Variants in KPNA5 observed in about 807,000 individuals in gnomAD.
KPNA5 encodes karyopherin subunit alpha 5.
KPNA5 carries 46 observed loss-of-function variants against 71.3 expected under a neutral mutation model. That is an observed-to-expected ratio of 0.65 (90% CI 0.51 to 0.83). KPNA5 has a LOEUF of 0.83. Ranked by LOEUF, KPNA5 falls within the 40% of genes least tolerant of loss-of-function variation. KPNA5 has a pLI of 0.00. For missense variants in KPNA5, 547 were observed against 628.3 expected (o/e 0.87, Z 1.38); for synonymous variants, 207 against 201.4 (o/e 1.03, Z -0.24).
intron 8 of KPNA5, among the ~76,000 whole-genome samples, chr6:116,717,727 G>C (rs1053641302): frequency 1.3e-5 from 2 of 152,136 alleles, no homozygotes; most frequent in African/African-American, 4.8e-5. Flanking sequence ...TTGATCCTAG[G>C]ACTTTATAGA....
intron 5 of KPNA5, among the ~76,000 whole-genome samples, chr6:116,701,547 C>T (rs948700875): frequency 6.6e-6 from 1 of 152,168 alleles, no homozygotes; most frequent in Admixed American, 6.5e-5. Flanking sequence ...AATCTCTCAA[C>T]TTCTAATTTT....
rs1489376713 is a variant in KPNA5 at position 116,689,335 on chromosome 6, C to T, written c.20C>T (p.Pro7Leu). MDAMAS[P>L]GKDNYRMKSY... is the part of the protein sequence containing the mutation. ...TTCCTTTAAGATGCCATGGCTAGTC[C>T]AGGGAAAGATAACTATAGAATGAAA... Residue 7 changes from proline to leucine, a missense_variant, in exon 2 of 14, where the codon CCA becomes CTA. Coordinates refer to ENST00000368564, the MANE Select transcript of KPNA5 (RefSeq NM_001366306.2). 6.2e-7 allele frequency: 1 copy of T among 1,602,950 alleles called. No homozygotes were observed. The highest frequency in any genetic ancestry group is 1.4e-5 in the African/African-American group (1 of 73,966).
rs202184245 is a variant in KPNA5 at position 116,725,842 on chromosome 6, C to G, written c.1091C>G (p.Ser364Cys). 1 of 1,613,272 alleles carries G rather than the reference C, an allele frequency of 6.2e-7. No homozygotes were observed. Among genetic ancestry groups the G allele is most frequent in the East Asian group, 2.2e-5 (1 of 44,832 alleles). The change falls in exon 11 of 14, where the codon TCT becomes TGT. Residue 364 changes from serine (S) to cysteine (C), a missense_variant. Physicochemically the swap from Ser to Cys is moderately radical, Grantham distance 112. Coordinates refer to ENST00000368564, the MANE Select transcript of KPNA5 (RefSeq NM_001366306.2). The stretch of plus-strand genomic sequence containing the variant: ...AGAAAAGAAGCCTGCTGGACTGTTT[C>G]TAACATCACTGCTGGAAATAGAGCT... Reference protein sequence around the residue: ...SIRKEACWTVSNITAGNRAQI... With the variant: ...SIRKEACWTVCNITAGNRAQI...
In KPNA5 at chr6:116,726,061, A is replaced by AGTGTGTGTGTGTGTGTGTGTGTGT. The variant is rs58131077; in HGVS notation, c.1125+207_1125+208insGTGTGTGTGTGTGTGTGTGTGTGT. On this transcript the variant is annotated intron_variant, in intron 11 of 13. Coordinates refer to ENST00000368564, the MANE Select transcript of KPNA5 (RefSeq NM_001366306.2). Reference sequence around the variant, plus strand: ...TGTAGTATTCTAGTGAAGAACATCAAGTGTGTGTGTGTGTGTGTGTGTCTA... The same window carrying AGTGTGTGTGTGTGTGTGTGTGTGT: ...TGTAGTATTCTAGTGAAGAACATCAAGTGTGTGTGTGTGTGTGTGTGTGTGTGTGTGTGTGTGTGTGTGTGTCTA... 4.4e-3 allele frequency among the ~76,000 whole-genome samples: 657 copies of AGTGTGTGTGTGTGTGTGTGTGTGT among 150,642 alleles called. 10 individuals carry two copies. Among genetic ancestry groups the AGTGTGTGTGTGTGTGTGTGTGTGT allele is most frequent in the East Asian group, 0.041 (213 of 5,136 alleles).
Position 116,738,727 on chromosome 6 carries a change from T to C in KPNA5, c.*6404T>C, listed in dbSNP as rs1351939714. ...AAATCAATAAATGTAATCCAGCATA[T>C]AAACAGAACCAAAGACAAAAAACAC... is the stretch of plus-strand genomic sequence containing the variant. On this transcript the variant is annotated 3_prime_UTR_variant, in exon 14 of 14. Transcript: ENST00000368564. 1 of 152,006 alleles carries C rather than the reference T, an allele frequency of 6.6e-6. No homozygotes were observed. Among genetic ancestry groups the C allele is most frequent in the Non-Finnish European group, 1.5e-5 (1 of 68,016 alleles). The allele number at this position is 152,006 out of a possible 1,614,324, so 9.4% of individuals were successfully genotyped here.
In KPNA5 at chr6:116,692,117, A is replaced by G; in HGVS notation, c.201A>G (p.Ile67Met). The change falls in exon 3 of 14, where the codon ATA (isoleucine) becomes ATG (methionine). Residue 67 changes from isoleucine (I) to methionine (M), a missense_variant. Coordinates refer to ENST00000368564, the MANE Select transcript of KPNA5 (RefSeq NM_001366306.2). ...ATGAATCTATGCTTGAAAGTCCTAT[A>G]CAGGATCCAGATATTAGTTCCACTG... The part of the protein sequence containing the change: ...RNDESMLESP[I>M]QDPDISSTVP... The G allele has an allele frequency of 6.2e-7, 1 of 1,612,546 alleles. No homozygotes were observed. The highest frequency in any genetic ancestry group is 8.5e-7 in the Non-Finnish European group (1 of 1,178,898).
At chr6:116,682,153 AT>A (rs1351307930) in intron 1 of KPNA5, among the ~76,000 whole-genome samples, 4 of 151,998 alleles carry the variant, frequency 2.6e-5, no homozygotes, top group Non-Finnish European at 4.4e-5. Context: ...TACAAAAAAA[AT>A]ACCAAAAATA....
rs9398443 is a variant in KPNA5, at chr6:116,733,554, G to A, written c.*1231G>A. ...TTTAACAGCAAAAACCTCTTCAAACGGAAAATTTGAAAGAAAGGTTTCAAT... is the reference window on the plus strand; with the variant it reads ...TTTAACAGCAAAAACCTCTTCAAACAGAAAATTTGAAAGAAAGGTTTCAAT... On this transcript the variant is annotated 3_prime_UTR_variant, in exon 14 of 14. Transcript: ENST00000368564. 2.7e-5 allele frequency: 4 copies of A among 150,652 alleles called. No individual in the cohort carries two copies. The highest frequency in any genetic ancestry group is 7.3e-5 in the African/African-American group (3 of 41,162). The allele number at this position is 150,652 out of a possible 1,614,324, so 9.3% of individuals were successfully genotyped here. A position where few individuals can be genotyped will look rare whatever the true frequency, so the allele number is the denominator to read the frequency against.
In KPNA5 at chr6:116,702,015, T is replaced by C. The variant is rs1778249517; in HGVS notation, c.436-4T>C. ...CATTTATTTTACCTTTTTTTTCTTC[T>C]TAGTTTGAAGCTGCATGGGCATTAA... On this transcript the variant is annotated splice_polypyrimidine_tract_variant and splice_region_variant and intron_variant, in intron 5 of 13. Coordinates refer to ENST00000368564, the MANE Select transcript of KPNA5 (RefSeq NM_001366306.2). 1 of 1,597,652 alleles carries C rather than the reference T, an allele frequency of 6.3e-7. No individual in the cohort carries two copies. The highest frequency in any genetic ancestry group is 1.4e-5 in the African/African-American group (1 of 73,714).
At chr6:116,715,313 C>T (rs1208976134) in intron 7 of KPNA5, among the ~76,000 whole-genome samples, 1 of 151,950 alleles carries the variant, frequency 6.6e-6, no homozygotes, top group Non-Finnish European at 1.5e-5. Flanking sequence ...ATTATGGTCT[C>T]AAGGGGGTCC....
At chr6:116,708,004 T>TA (rs1778512885) in intron 7 of KPNA5, among the ~76,000 whole-genome samples, 1 of 152,258 alleles carries the variant, frequency 6.6e-6, no homozygotes, top group South Asian at 2.1e-4. Context: ...AGTGGAATCA[T>TA]ACAATATATT....
At chr6:116,696,916 G>C (rs1024588424) in intron 4 of KPNA5, among the ~76,000 whole-genome samples, 2 of 151,936 alleles carry the variant, frequency 1.3e-5, no homozygotes, top group Admixed American at 1.3e-4. Context: ...TCACCGGGAA[G>C]AAACTATATT....
At chr6:116,703,794 A>G (rs780276957) in intron 6 of KPNA5, among the ~76,000 whole-genome samples, 4 of 152,246 alleles carry the variant, frequency 2.6e-5, no homozygotes, top group African/African-American at 7.2e-5. Context: ...TTGAAAAGTA[A>G]CATGTCTACT....
intron 8 of KPNA5, among the ~76,000 whole-genome samples, chr6:116,718,839 C>T (rs1278888081): frequency 1.3e-5 from 2 of 151,648 alleles, no homozygotes; most frequent in Non-Finnish European, 2.9e-5. Context: ...ACGATCTCAG[C>T]TCACTGCAAC....
At chr6:116,721,310 A>G (rs1237089318) in intron 8 of KPNA5, among the ~76,000 whole-genome samples, 1 of 152,092 alleles carries the variant, frequency 6.6e-6, no homozygotes, top group African/African-American at 2.4e-5. Context: ...AACATATAAC[A>G]TAGTTCTTTT....
intron 1 of KPNA5, among the ~76,000 whole-genome samples, chr6:116,683,457 C>A (rs979418339): frequency 2.6e-5 from 4 of 152,122 alleles, no homozygotes; most frequent in African/African-American, 9.7e-5. Context: ...GGTCAGTTTG[C>A]ACTGTAATGA....
At chr6:116,709,707 T>A (rs907675041) in intron 7 of KPNA5, among the ~76,000 whole-genome samples, 1 of 152,172 alleles carries the variant, frequency 6.6e-6, no homozygotes, top group Non-Finnish European at 1.5e-5. Context: ...ACCATTCAGT[T>A]TGATGTTAGC....
intron 4 of KPNA5, among the ~76,000 whole-genome samples, chr6:116,694,907 T>C (rs1777964457): frequency 1.3e-5 from 2 of 152,142 alleles, no homozygotes; most frequent in Non-Finnish European, 2.9e-5. Flanking sequence ...ATCTTCAGTT[T>C]GTACAAGCAT....
At chr6:116,695,104 C>T (rs1367523917) in intron 4 of KPNA5, among the ~76,000 whole-genome samples, 2 of 152,084 alleles carry the variant, frequency 1.3e-5, no homozygotes, top group Admixed American at 6.6e-5. Flanking sequence ...GCATGCATCA[C>T]CACGCCCAGC....
Sources: gnomAD v4.1 joint callset for allele counts (sites outside exome capture counted in the v4.1 genomes callset) on GRCh38, gnomAD v4.1.1 for gene constraint, MANE v1.5 for transcripts, NCBI Gene and HGNC (gene_info 2026-07-23, HGNC 2026-07-21) for gene names.